SLCO6A1: variants seen among roughly 807,000 people sequenced by gnomAD.
SLCO6A1 encodes the protein cancer/testis antigen 48.
In SLCO6A1, 65 loss-of-function variants were observed where a neutral mutation model predicts 72.7. The ratio of observed to expected loss-of-function variants is 0.89; its 90% CI spans 0.73 to 1.10. The LOEUF (loss-of-function observed/expected upper bound fraction) is 1.10. Ranked by LOEUF, SLCO6A1 falls within the 50% of genes least tolerant of loss-of-function variation. The pLI, the probability that SLCO6A1 is intolerant of heterozygous loss-of-function variation, is 0.00. For missense variants in SLCO6A1, 874 were observed against 872.6 expected (o/e 1.00, Z -0.02); for synonymous variants, 314 against 298.2 (o/e 1.05, Z -0.55).
chr5:102,376,061 G>T (rs1316580019), intron 12 of SLCO6A1, among the ~76,000 whole-genome samples: 5 of 152,046 alleles, frequency 3.3e-5, no homozygotes, highest in African/African-American at 1.2e-4. Flanking sequence ...CAAATAAAAA[G>T]ACATATTACA....
chr5:102,377,882 C>CA (rs1336473106), intron 12 of SLCO6A1, among the ~76,000 whole-genome samples: 1 of 140,526 alleles, frequency 7.1e-6, no homozygotes, highest in Non-Finnish European at 1.5e-5. Flanking sequence ...CCATATTGCC[C>CA]AGGCTGGTCT....
intron 12 of SLCO6A1, among the ~76,000 whole-genome samples, chr5:102,383,658 C>G (rs977444281): frequency 6.6e-6 from 1 of 151,610 alleles, no homozygotes; most frequent in African/African-American, 2.4e-5. Flanking sequence ...TTAATTTTAT[C>G]TTCTTTGGAG....
chr5:102,397,555 C>T (rs1228736653), intron 10 of SLCO6A1, among the ~76,000 whole-genome samples: 1 of 152,068 alleles, frequency 6.6e-6, no homozygotes, highest in Admixed American at 6.6e-5. Flanking sequence ...TCGGCCATGT[C>T]CGGACCTCCT....
chr5:102,467,407 C>CT (rs1009359790), intron 4 of SLCO6A1, among the ~76,000 whole-genome samples: 2 of 151,482 alleles, frequency 1.3e-5, no homozygotes, highest in Admixed American at 1.3e-4. Context: ...GTGAGAATCT[C>CT]TTTAAAAAAA....
At chr5:102,468,391 T>C (rs1308221143) in intron 4 of SLCO6A1, among the ~76,000 whole-genome samples, 1 of 152,108 alleles carries the variant, frequency 6.6e-6, no homozygotes, top group Non-Finnish European at 1.5e-5. Context: ...CTTTGTTGAC[T>C]TTCTGTCTTG....
Position 102,441,935 on chromosome 5 carries a change from T to G in SLCO6A1, c.1132-3174A>C, listed in dbSNP as rs1243726410. Reference sequence around the variant, plus strand: ...GTAGTAGATTCAAATATTGATTAACTAGAGAATTACAGCTTTTTTCATACG... The same window carrying G: ...GTAGTAGATTCAAATATTGATTAACGAGAGAATTACAGCTTTTTTCATACG... On this transcript the variant is annotated intron_variant, in intron 6 of 13. Transcript: ENST00000506729. Among the ~76,000 whole-genome samples, 3 of 152,122 alleles carry G rather than the reference T, an allele frequency of 2.0e-5. No individual in the cohort carries two copies. The East Asian group carries it at 5.8e-4, about 29-fold the overall frequency.
At chr5:102,372,468 T>A (rs1750675872) in intron 13 of SLCO6A1, among the ~76,000 whole-genome samples, 1 of 151,990 alleles carries the variant, frequency 6.6e-6, no homozygotes, top group South Asian at 2.1e-4. Context: ...TTTCGATTGA[T>A]GTACAATAAT....
chr5:102,383,111 G>C (rs1432558096), intron 12 of SLCO6A1, among the ~76,000 whole-genome samples: 2 of 55,876 alleles, frequency 3.6e-5, no homozygotes, highest in South Asian at 1.1e-3. Flanking sequence ...TATATATATA[G>C]TGTTTTATAT....
chr5:102,399,698 T>C lies in SLCO6A1; in HGVS notation c.1671A>G (p.Ala557=). The change falls in exon 10 of 14, where the codon GCA becomes GCG. Residue 557 remains alanine (A), a synonymous_variant. Transcript: ENST00000506729. ...CATCAATAAAATCACCTTCTGCATCTGCAGTTATTAATCCTTCTTTAATGC... is the reference window on the plus strand; with the variant it reads ...CATCAATAAAATCACCTTCTGCATCCGCAGTTATTAATCCTTCTTTAATGC... ...CSCIKEGLIT[A]DAEGDFIDAR... is the part of the protein sequence containing the mutation. 6.3e-7 allele frequency: 1 copy of C among 1,595,854 alleles called. No homozygotes were observed. The highest frequency in any genetic ancestry group is 2.2e-5 in the East Asian group (1 of 44,602).
At chr5:102,460,968 C>CGCTAT (rs1561481418) in intron 4 of SLCO6A1, among the ~76,000 whole-genome samples, 1 of 142,684 alleles carries the variant, frequency 7.0e-6, no homozygotes, top group Non-Finnish European at 1.5e-5. Flanking sequence ...GCATATGCTA[C>CGCTAT]ACTCAGGGAG....
chr5:102,413,900 CTG>C (rs1301436988), intron 8 of SLCO6A1, among the ~76,000 whole-genome samples: 1 of 152,042 alleles, frequency 6.6e-6, no homozygotes, highest in Non-Finnish European at 1.5e-5. Context: ...TCTTTTCAAA[CTG>C]TATTTTTTAT....
At chr5:102,390,108 A>G (rs1356876987) in intron 11 of SLCO6A1, among the ~76,000 whole-genome samples, 1 of 151,834 alleles carries the variant, frequency 6.6e-6, no homozygotes, top group Non-Finnish European at 1.5e-5. Flanking sequence ...TGGCAGAAAA[A>G]CCCTAAAATA....
chr5:102,476,513 C>T (rs957458804), intron 3 of SLCO6A1, among the ~76,000 whole-genome samples: 4 of 152,090 alleles, frequency 2.6e-5, no homozygotes, highest in Admixed American at 6.6e-5. Flanking sequence ...AAATGTTCAT[C>T]GCATCTAAAA....
At chr5:102,392,804 A>G (rs1746839454) in intron 10 of SLCO6A1, among the ~76,000 whole-genome samples, 1 of 152,070 alleles carries the variant, frequency 6.6e-6, no homozygotes, top group African/African-American at 2.4e-5. Flanking sequence ...ATGTAAAAGG[A>G]AGCTTTCACT....
chr5:102,389,702 C>T (rs1325682008), intron 11 of SLCO6A1, among the ~76,000 whole-genome samples: 1 of 151,862 alleles, frequency 6.6e-6, no homozygotes, highest in Admixed American at 6.6e-5. Flanking sequence ...TTTTTTCAAT[C>T]CATCATACAT....
At position 102,458,358 on chromosome 5, in the gene SLCO6A1, T is replaced by C. The variant is rs779209545; in HGVS notation, c.1131+24A>G. The C allele has an allele frequency of 5.9e-6, 9 of 1,523,614 alleles. No individual in the cohort carries two copies. In the Admixed American group the frequency reaches 1.1e-4, roughly 18 times the overall value. 94.4% of individuals were successfully genotyped at this position (1,523,614 alleles called of 1,614,324 possible). On this transcript the variant is annotated intron_variant, in intron 6 of 13. Coordinates refer to ENST00000506729, the MANE Select transcript of SLCO6A1 (RefSeq NM_173488.5). ...TAAACAGGTCAACTTAGTTGGATTG[T>C]TCAAGTAAAATATTTTACTTTACCC...
chr5:102,427,849 T>C (rs1748984750), intron 7 of SLCO6A1, among the ~76,000 whole-genome samples: 2 of 126,158 alleles, frequency 1.6e-5, no homozygotes, highest in African/African-American at 7.2e-5. Flanking sequence ...TGTATACATA[T>C]ATATATATAT....
At chr5:102,495,369 G>A (rs563805048) in intron 1 of SLCO6A1, among the ~76,000 whole-genome samples, 52 of 152,250 alleles carry the variant, frequency 3.4e-4, no homozygotes, top group Non-Finnish European at 5.6e-4. Flanking sequence ...CGCGGTGGGC[G>A]GATCACCAGA....
intron 12 of SLCO6A1, among the ~76,000 whole-genome samples, chr5:102,376,285 T>C (rs1187663747): frequency 6.6e-6 from 1 of 152,114 alleles, no homozygotes; most frequent in East Asian, 1.9e-4. Context: ...AAAAAGATGT[T>C]CTTCAGGTGC....
Sources: gnomAD v4.1 joint callset for allele counts (sites outside exome capture counted in the v4.1 genomes callset) on GRCh38, gnomAD v4.1.1 for gene constraint, MANE v1.5 for transcripts, NCBI Gene and HGNC (gene_info 2026-07-23, HGNC 2026-07-21) for gene names.